Variants in KIRREL3 observed in about 807,000 individuals in gnomAD.
KIRREL3 encodes kin of IRRE-like protein 3.
Under a neutral mutation model 89.7 loss-of-function variants are expected in KIRREL3, and 36 were observed. The ratio of observed to expected loss-of-function variants is 0.40; its 90% CI spans 0.31 to 0.53. KIRREL3 has a LOEUF of 0.53. KIRREL3 is among the 20% of genes least tolerant of loss of function. The probability of loss-of-function intolerance (pLI) is 0.49; values close to 1 mark genes in which losing one functional copy is unlikely to be tolerated. For missense variants in KIRREL3, 864 were observed against 1,056.6 expected, an observed-to-expected ratio of 0.82 and a Z score of 2.53; for synonymous variants, 445 against 441.4, an observed-to-expected ratio of 1.01 and a Z score of -0.10.
chr11:126,701,759 C>A (rs955787966), intron 1 of KIRREL3, among the ~76,000 whole-genome samples: 9 of 152,202 alleles, frequency 5.9e-5, no homozygotes, highest in African/African-American at 1.2e-4. Flanking sequence ...TGGGGAGAAG[C>A]CCTGCCCCTA....
rs914134379 is a variant in KIRREL3 at position 126,455,669 on chromosome 11, G to C, written c.848+680C>G. Among the ~76,000 whole-genome samples, 2 of 151,848 alleles carry C rather than the reference G, an allele frequency of 1.3e-5. No individual in the cohort carries two copies. The highest frequency in any genetic ancestry group is 1.9e-4 in the East Asian group (1 of 5,170). On this transcript the variant is annotated intron_variant, in intron 7 of 16. Coordinates refer to ENST00000525144, the MANE Select transcript of KIRREL3 (RefSeq NM_032531.4). The surrounding 1 kb of genome is among the most constrained non-coding windows in gnomAD (Gnocchi z 6.4). ...AAAATTAGCTGGCGTGGTGGCGGGCGCCTGTAGTCCCAGCTACTTGGGAGG... is the reference window on the plus strand; with the variant it reads ...AAAATTAGCTGGCGTGGTGGCGGGCCCCTGTAGTCCCAGCTACTTGGGAGG...
In KIRREL3 at chr11:126,995,230, G is replaced by A; in HGVS notation, c.55+5225C>T. On this transcript the variant is annotated intron_variant, in intron 1 of 16. Coordinates refer to ENST00000525144, the MANE Select transcript of KIRREL3 (RefSeq NM_032531.4). This position sits in a 1 kb window ranked among gnomAD's most constrained non-coding sequence, Gnocchi z 6.5. ...GACCCTGCTCCAAGAGTGCTGGGAT[G>A]TCCGCTGGCCTCGAGGCAAGACAAG... 2.2e-6 allele frequency: 1 copy of A among 456,176 alleles called. No individual in the cohort carries two copies. The highest frequency in any genetic ancestry group is 7.0e-5 in the East Asian group (1 of 14,370). The allele number at this position is 456,176 out of a possible 1,614,324, so 28.3% of individuals were successfully genotyped here. A position where few individuals can be genotyped will look rare whatever the true frequency, so the allele number is the denominator to read the frequency against.
In KIRREL3 at chr11:126,655,588, C is replaced by T. The variant is rs77761316; in HGVS notation, c.56-92676G>A. Among the ~76,000 whole-genome samples the T allele has an allele frequency of 0.017, 2,517 of 152,300 alleles. 90 individuals carry two copies. Among genetic ancestry groups the T allele is most frequent in the African/African-American group, 0.057 (2,366 of 41,538 alleles). On this transcript the variant is annotated intron_variant, in intron 1 of 16. Coordinates refer to ENST00000525144, the MANE Select transcript of KIRREL3 (RefSeq NM_032531.4). This position sits in a 1 kb window ranked among gnomAD's most constrained non-coding sequence, Gnocchi z 5.0. ...CTGTGTGTCCCCCTGGGGACTGGAACCACTTTGCAAAGAGCGCAGATCTGC... is the reference window on the plus strand; with the variant it reads ...CTGTGTGTCCCCCTGGGGACTGGAATCACTTTGCAAAGAGCGCAGATCTGC...
rs1272342875 is a variant in KIRREL3 at position 126,863,419 on chromosome 11, GCGCA to G, written c.55+137032_55+137035del. On this transcript the variant is annotated intron_variant, in intron 1 of 16. Coordinates refer to ENST00000525144, the MANE Select transcript of KIRREL3 (RefSeq NM_032531.4). ...TGTGAGTGCGTGAGTGCGTGTGTGA[GCGCA>G]TGTGTGTGAGTGCGTGTGTGAGTGT... Among the ~76,000 whole-genome samples the G allele has an allele frequency of 3.9e-4, 12 of 30,486 alleles. 1 individual carries two copies. Among genetic ancestry groups the G allele is most frequent in the East Asian group, 3.2e-3 (1 of 316 alleles). 20.0% of individuals were successfully genotyped at this position (30,486 alleles called of 152,430 possible). A position where few individuals can be genotyped will look rare whatever the true frequency, so the allele number is the denominator to read the frequency against.
chr11:126,863,501 GTGAGTGCGTGTGTGTT>G (rs1944799608), intron 1 of KIRREL3, among the ~76,000 whole-genome samples: 2 of 148,346 alleles, frequency 1.3e-5, no homozygotes, highest in Non-Finnish European at 3.0e-5. Flanking sequence ...GTGTGTGAGT[GTGAGTGCGTGTGTGTT>G]TGAGTGCGTG....
chr11:126,618,145 G>C (rs985126989), intron 1 of KIRREL3, among the ~76,000 whole-genome samples: 5 of 152,150 alleles, frequency 3.3e-5, no homozygotes, highest in African/African-American at 1.2e-4. Context: ...CTCCTGCTCT[G>C]GCCATGTGAG....
chr11:126,965,772 G>C lies in KIRREL3; in HGVS notation c.55+34683C>G, dbSNP rs1949249872. ...TGGCCTTGTTGTTTTTCTCTGGAGA[G>C]TTAACATCAGAAAAGAGTGAGTGCT... On this transcript the variant is annotated intron_variant, in intron 1 of 16. Coordinates refer to ENST00000525144, the MANE Select transcript of KIRREL3 (RefSeq NM_032531.4). The surrounding 1 kb of genome is among the most constrained non-coding windows in gnomAD (Gnocchi z 4.4). 6.6e-6 allele frequency among the ~76,000 whole-genome samples: 1 copy of C among 152,178 alleles called. No individual in the cohort carries two copies. The highest frequency in any genetic ancestry group is 2.4e-5 in the African/African-American group (1 of 41,442).
intron 1 of KIRREL3, among the ~76,000 whole-genome samples, chr11:126,591,997 C>G (rs1030540628): frequency 1.4e-4 from 22 of 152,234 alleles, no homozygotes; most frequent in Admixed American, 1.3e-3. Context: ...CTTCAGGGTG[C>G]AGTGCCACGG....
At chr11:126,800,323 G>A (rs1407213195) in intron 1 of KIRREL3, among the ~76,000 whole-genome samples, 1 of 152,214 alleles carries the variant, frequency 6.6e-6, no homozygotes, top group African/African-American at 2.4e-5. Flanking sequence ...ACTTGCTTGA[G>A]CTCCTGCTCT....
chr11:126,449,714 A>C (rs1955956342), intron 7 of KIRREL3, among the ~76,000 whole-genome samples: 2 of 152,248 alleles, frequency 1.3e-5, no homozygotes, highest in South Asian at 4.1e-4. Context: ...AAACAGTGGA[A>C]TACTAATACC....
intron 1 of KIRREL3, among the ~76,000 whole-genome samples, chr11:126,722,652 C>T (rs1318747151): frequency 6.6e-6 from 1 of 152,262 alleles, no homozygotes; most frequent in African/African-American, 2.4e-5. Flanking sequence ...TGTTTACTGA[C>T]TAGTGATTAG....
rs146056596 is a variant in KIRREL3, at chr11:126,485,307, G to C, written c.434-11841C>G. ...TTTCAGTTCTGCTCCTAACCTGGGG[G>C]TGGGGGGAACCCTGAACTAGCTGAC... On this transcript the variant is annotated intron_variant, in intron 4 of 16. Coordinates refer to ENST00000525144, the MANE Select transcript of KIRREL3 (RefSeq NM_032531.4). This position sits in a 1 kb window ranked among gnomAD's most constrained non-coding sequence, Gnocchi z 5.8. Among the ~76,000 whole-genome samples, 558 of 152,318 alleles carry C rather than the reference G, an allele frequency of 3.7e-3. 3 individuals are homozygous for C. Among genetic ancestry groups the C allele is most frequent in the African/African-American group, 0.013 (544 of 41,568 alleles).
Position 126,715,371 on chromosome 11 carries a change from C to G in KIRREL3, c.56-152459G>C, listed in dbSNP as rs1372601018. On this transcript the variant is annotated intron_variant, in intron 1 of 16. Transcript: ENST00000525144. This position sits in a 1 kb window ranked among gnomAD's most constrained non-coding sequence, Gnocchi z 4.4. ...ACAGTTGCTGTGCTTCTGCTCTGCC[C>G]TGGCCAGCCTCTGAGGGGGTCTCCA... Among the ~76,000 whole-genome samples the G allele has an allele frequency of 1.3e-5, 2 of 152,146 alleles. No homozygotes were observed. Among genetic ancestry groups the G allele is most frequent in the Admixed American group, 6.5e-5 (1 of 15,272 alleles).
chr11:126,445,801 A>G (rs1436528550), intron 9 of KIRREL3, among the ~76,000 whole-genome samples: 2 of 152,040 alleles, frequency 1.3e-5, no homozygotes, highest in East Asian at 1.9e-4. Context: ...GTTCCTTCCT[A>G]TGTGAGGACA....
intron 1 of KIRREL3, among the ~76,000 whole-genome samples, chr11:126,789,358 G>T (rs1298728778): frequency 6.6e-6 from 1 of 151,820 alleles, no homozygotes; most frequent in Non-Finnish European, 1.5e-5. Flanking sequence ...TCCTTCCCTG[G>T]ACCATTCCCA....
At chr11:126,629,172 G>T (rs1009607296) in intron 1 of KIRREL3, among the ~76,000 whole-genome samples, 3 of 152,144 alleles carry the variant, frequency 2.0e-5, no homozygotes, top group Non-Finnish European at 2.9e-5. Context: ...CCTTGATTTA[G>T]TTGCTCTCTG....
rs1386130762 is a variant in KIRREL3 at position 126,562,595 on chromosome 11, A to G, written c.133+240T>C. Among the ~76,000 whole-genome samples, 7 of 152,244 alleles carry G rather than the reference A, an allele frequency of 4.6e-5. No homozygotes were observed. Among genetic ancestry groups the G allele is most frequent in the African/African-American group, 1.7e-4 (7 of 41,530 alleles). ...GAGAGGAAGAGAAGTAGGAGACACA[A>G]AGGGAGAAGGGAAGATTGCATAAAG... On this transcript the variant is annotated intron_variant, in intron 2 of 16. Coordinates refer to ENST00000525144, the MANE Select transcript of KIRREL3 (RefSeq NM_032531.4). This position sits in a 1 kb window ranked among gnomAD's most constrained non-coding sequence, Gnocchi z 4.7.
chr11:126,507,376 A>T (rs561374063), intron 4 of KIRREL3, among the ~76,000 whole-genome samples: 3 of 152,376 alleles, frequency 2.0e-5, no homozygotes, highest in Non-Finnish European at 2.9e-5. Flanking sequence ...CTGTTAAAAA[A>T]TAAGGGGAAA....
intron 2 of KIRREL3, chr11:126,549,478 A>G (rs1196969304): frequency 6.6e-6 from 1 of 152,136 alleles, no homozygotes; most frequent in East Asian, 1.9e-4. Context: ...TGGATAATTC[A>G]TCTCAGCCTG....
Sources: gnomAD v4.1 joint callset for allele counts (sites outside exome capture counted in the v4.1 genomes callset) on GRCh38, gnomAD v4.1.1 for gene constraint, Gnocchi (gnomAD v3.1) non-coding constraint, MANE v1.5 for transcripts, NCBI Gene and HGNC (gene_info 2026-07-23, HGNC 2026-07-21) for gene names.